CNTN2: variants seen among roughly 807,000 people sequenced by gnomAD.
CNTN2 encodes the protein contactin 2.
A neutral mutation model predicts 117.5 loss-of-function variants in CNTN2; 53 were observed. That is an observed-to-expected ratio of 0.45 (90% CI 0.36 to 0.57). CNTN2 has a LOEUF of 0.57. CNTN2 is among the 20% of genes least tolerant of loss of function. The pLI, the probability that CNTN2 is intolerant of heterozygous loss-of-function variation, is 0.00. For synonymous variants in CNTN2, 530 were observed against 561.7 expected, an observed-to-expected ratio of 0.94 and a Z score of 0.80; for missense variants, 1,106 against 1,404.3, an observed-to-expected ratio of 0.79 and a Z score of 3.39.
chr1:205,054,511 C>T (rs941610103), intron 2 of CNTN2, among the ~76,000 whole-genome samples: 3 of 152,202 alleles, frequency 2.0e-5, no homozygotes, highest in Admixed American at 6.5e-5. Flanking sequence ...GCACCCCAGA[C>T]GGAGCAGAGG....
chr1:205,062,195 GCA>G, intron 9 of CNTN2, 194 bp downstream of exon 9: 1 of 840,844 alleles, frequency 1.2e-6, no homozygotes. Context: ...CTGGATCCAG[GCA>G]CAGTTCAGCC....
Position 205,072,879 on chromosome 1 carries a change from G to T in CNTN2, c.2845-189G>T, listed in dbSNP as rs755184516. Reference sequence around the variant, plus strand: ...GGTTCTTCTAGCTTAAGGAGTCTACGGAAACAGTTCAGTGGCCTGCAAGCT... The same window carrying T: ...GGTTCTTCTAGCTTAAGGAGTCTACTGAAACAGTTCAGTGGCCTGCAAGCT... On this transcript the variant is annotated intron_variant, in intron 21 of 22. Coordinates refer to ENST00000331830, the MANE Select transcript of CNTN2 (RefSeq NM_005076.5). The T allele has an allele frequency of 6.0e-6, 4 of 666,288 alleles. No individual in the cohort carries two copies. In the African/African-American group the frequency reaches 7.3e-5, roughly 12 times the overall value. 41.3% of individuals were successfully genotyped at this position (666,288 alleles called of 1,614,324 possible). A position where few individuals can be genotyped will look rare whatever the true frequency, so the allele number is the denominator to read the frequency against.
At chr1:205,066,182 T>C in intron 14 of CNTN2, 1 of 608,172 alleles carries the variant, frequency 1.6e-6, no homozygotes, top group East Asian at 2.8e-5. Flanking sequence ...CAAAGCCTAG[T>C]GCTGGGAGAT....
chr1:205,052,308 C>T (rs868611699), intron 1 of CNTN2, among the ~76,000 whole-genome samples: 1 of 152,224 alleles, frequency 6.6e-6, no homozygotes, highest in Non-Finnish European at 1.5e-5. Context: ...CCCCCGCCCT[C>T]ACCTCCCAAG....
rs1272988178 is a variant in CNTN2 at position 205,077,555 on chromosome 1, G to A, written c.*3790G>A. Reference sequence around the variant, plus strand: ...CTCTTAGCATAAAAGGCATTAGGTGGGCATTTTTCTGTGTGCCCCCAAAAA... The same window carrying A: ...CTCTTAGCATAAAAGGCATTAGGTGAGCATTTTTCTGTGTGCCCCCAAAAA... On this transcript the variant is annotated 3_prime_UTR_variant, in exon 23 of 23. Coordinates refer to ENST00000331830, the MANE Select transcript of CNTN2 (RefSeq NM_005076.5). 6.6e-6 allele frequency: 1 copy of A among 152,100 alleles called. No individual in the cohort carries two copies. The highest frequency in any genetic ancestry group is 1.5e-5 in the Non-Finnish European group (1 of 68,078). The allele number at this position is 152,100 out of a possible 1,614,324, so 9.4% of individuals were successfully genotyped here. A position where few individuals can be genotyped will look rare whatever the true frequency, so the allele number is the denominator to read the frequency against.
At chr1:205,056,608 A>T (rs1367833398) in intron 2 of CNTN2, among the ~76,000 whole-genome samples, 2 of 152,126 alleles carry the variant, frequency 1.3e-5, no homozygotes, top group East Asian at 3.9e-4. Flanking sequence ...CTGGGAAAGG[A>T]ACTAATTAGT....
At chr1:205,063,846 A>ACAG (rs1315961480) in intron 10 of CNTN2, among the ~76,000 whole-genome samples, 1 of 151,960 alleles carries the variant, frequency 6.6e-6, no homozygotes, top group Non-Finnish European at 1.5e-5. Flanking sequence ...GGCAAGATTT[A>ACAG]CAGCAAGTGC....
rs914593346 is a variant in CNTN2 at position 205,048,428 on chromosome 1, C to T, written c.-86-4672C>T. On this transcript the variant is annotated intron_variant, in intron 1 of 22. Transcript: ENST00000331830. This position sits in a 1 kb window ranked among gnomAD's most constrained non-coding sequence, Gnocchi z 4.1. ...TTCAGCCAACTCCCCCTGGTGCCCC[C>T]GAACCCCCCAGTGGTCCACTCCCCC... Among the ~76,000 whole-genome samples the T allele has an allele frequency of 3.9e-5, 6 of 152,148 alleles. No individual in the cohort carries two copies. The highest frequency in any genetic ancestry group is 7.4e-5 in the Non-Finnish European group (5 of 68,022).
At chr1:205,072,981 G>A (rs1239653089) in intron 21 of CNTN2, 87 bp from the exon 22 acceptor site, 1 of 1,438,866 alleles carries the variant, frequency 6.9e-7, no homozygotes. Flanking sequence ...AGAACCATCG[G>A]GTCTCCTCCC....
chr1:205,048,735 G>A lies in CNTN2; in HGVS notation c.-86-4365G>A, dbSNP rs2096446383. ...TGAGCGCATTCTAGGCTGCACTCGG[G>A]CGGTCGGGGAGCTCTGTAGAGGCAG... On this transcript the variant is annotated intron_variant, in intron 1 of 22. Transcript: ENST00000331830. This position sits in a 1 kb window ranked among gnomAD's most constrained non-coding sequence, Gnocchi z 4.1. 6.6e-6 allele frequency among the ~76,000 whole-genome samples: 1 copy of A among 152,204 alleles called. No individual in the cohort carries two copies. Among genetic ancestry groups the A allele is most frequent in the African/African-American group, 2.4e-5 (1 of 41,440 alleles).
At chr1:205,060,384 G>A (rs1396253874) in intron 7 of CNTN2, 1 of 152,136 alleles carries the variant, frequency 6.6e-6, no homozygotes, top group African/African-American at 2.4e-5. Flanking sequence ...CTGCCTTGTG[G>A]GAAGTTTTGG....
chr1:205,067,127 G>A lies in CNTN2; in HGVS notation c.2002G>A (p.Glu668Lys), dbSNP rs751783360. The A allele has an allele frequency of 8.7e-6, 14 of 1,612,904 alleles. No individual in the cohort carries two copies. Among genetic ancestry groups the A allele is most frequent in the Middle Eastern group, 3.3e-4 (2 of 6,054 alleles). ...TNPANIEGNAETAQVLGLTPW... is the reference protein window; with the variant it reads ...TNPANIEGNAKTAQVLGLTPW... ...TCCTGCAAACATCGAGGGCAATGCCGAGACTGCACAGGTGCTGGGCCTCAC... is the reference window on the plus strand; with the variant it reads ...TCCTGCAAACATCGAGGGCAATGCCAAGACTGCACAGGTGCTGGGCCTCAC... Residue 668 changes from glutamate to lysine, a missense_variant, in exon 16 of 23, where the codon GAG becomes AAG. Glu to Lys is a moderately conservative substitution (Grantham distance 56). Transcript: ENST00000331830.
In CNTN2 at chr1:205,061,546, C is replaced by A; in HGVS notation, c.973+126C>A. On this transcript the variant is annotated intron_variant, in intron 8 of 22. Transcript: ENST00000331830. The surrounding 1 kb of genome is among the most constrained non-coding windows in gnomAD (Gnocchi z 4.8). ...GAGGCCCCCTGCATGAGCCTGCTTG[C>A]CCTAGGACTGCACTGAGTCTGGGAC... The A allele has an allele frequency of 1.7e-6, 2 of 1,157,648 alleles. No homozygotes were observed. The highest frequency in any genetic ancestry group is 2.4e-6 in the Non-Finnish European group (2 of 838,016). 71.7% of individuals were successfully genotyped at this position (1,157,648 alleles called of 1,614,324 possible). A position where few individuals can be genotyped will look rare whatever the true frequency, so the allele number is the denominator to read the frequency against.
In CNTN2 at chr1:205,058,634, T is replaced by C; in HGVS notation, c.458T>C (p.Leu153Ser). Residue 153 changes from leucine to serine, a missense_variant, in exon 5 of 23, where the codon TTG becomes TCG. Coordinates refer to ENST00000331830, the MANE Select transcript of CNTN2 (RefSeq NM_005076.5). This position sits in a 1 kb window ranked among gnomAD's most constrained non-coding sequence, Gnocchi z 4.3. ...VKAHEGWGVMLPCNPPAHYPG... is the reference protein window; with the variant it reads ...VKAHEGWGVMSPCNPPAHYPG... Reference sequence around the variant, plus strand: ...GCTCATGAAGGCTGGGGGGTGATGTTGCCCTGTAACCCACCTGCCCACTAC... The same window carrying C: ...GCTCATGAAGGCTGGGGGGTGATGTCGCCCTGTAACCCACCTGCCCACTAC... 6.2e-7 allele frequency: 1 copy of C among 1,614,008 alleles called. No homozygotes were observed. Among genetic ancestry groups the C allele is most frequent in the East Asian group, 2.2e-5 (1 of 44,852 alleles).
In CNTN2 at chr1:205,076,451, G is replaced by T. The variant is rs1204225876; in HGVS notation, c.*2686G>T. 2 of 152,190 alleles carry T rather than the reference G, an allele frequency of 1.3e-5. No individual in the cohort carries two copies. The highest frequency in any genetic ancestry group is 4.8e-5 in the African/African-American group (2 of 41,442). The allele number at this position is 152,190 out of a possible 1,614,324, so 9.4% of individuals were successfully genotyped here. On this transcript the variant is annotated 3_prime_UTR_variant, in exon 23 of 23. Transcript: ENST00000331830. ...GGGTTCTCTGATTTTCGTGTTCTCT[G>T]CCCAGATGGGCTGGGGGAGTTGAGA...
intron 10 of CNTN2, chr1:205,063,066 T>A (rs1654075352): frequency 6.6e-6 from 1 of 152,480 alleles, no homozygotes; most frequent in African/African-American, 2.4e-5. Context: ...TTTAGTTGTG[T>A]GACTTGAGCT....
intron 9 of CNTN2, 41 bp downstream of exon 9, chr1:205,062,042 C>T (rs1271656817): frequency 6.2e-7 from 1 of 1,601,932 alleles, no homozygotes; most frequent in Non-Finnish European, 8.5e-7. Flanking sequence ...CACAACTGTC[C>T]TCTGCTCACT....
rs1340737884 is a variant in CNTN2 at position 205,061,767 on chromosome 1, G to A, written c.974-98G>A. ...CAGAATGCTCATGGCGCCCTCTGCT[G>A]TCTGGCACAGGTGCTGCTGCCCTGA... On this transcript the variant is annotated intron_variant, in intron 8 of 22. Coordinates refer to ENST00000331830, the MANE Select transcript of CNTN2 (RefSeq NM_005076.5). This position sits in a 1 kb window ranked among gnomAD's most constrained non-coding sequence, Gnocchi z 4.8. 16 of 1,432,492 alleles carry A rather than the reference G, an allele frequency of 1.1e-5. No individual in the cohort carries two copies. The highest frequency in any genetic ancestry group is 1.5e-5 in the Non-Finnish European group (16 of 1,072,600). The allele number at this position is 1,432,492 out of a possible 1,614,324, so 88.7% of individuals were successfully genotyped here. A position where few individuals can be genotyped will look rare whatever the true frequency, so the allele number is the denominator to read the frequency against.
chr1:205,070,682 T>C, intron 19 of CNTN2, 144 bp downstream of exon 19: 1 of 598,894 alleles, frequency 1.7e-6, no homozygotes, highest in Non-Finnish European at 3.0e-6. Context: ...TGTGTAGCAC[T>C]GTGAATGCAA....
Sources: gnomAD v4.1 joint callset for allele counts (sites outside exome capture counted in the v4.1 genomes callset) on GRCh38, gnomAD v4.1.1 for gene constraint, Gnocchi (gnomAD v3.1) non-coding constraint, MANE v1.5 for transcripts, NCBI Gene and HGNC (gene_info 2026-07-23, HGNC 2026-07-21) for gene names.